The following RALGDS variants were observed in gnomAD, a reference collection of about 807,000 sequenced individuals.
The protein encoded by RALGDS is ral guanine nucleotide dissociation stimulator.
A neutral mutation model predicts 99.8 loss-of-function variants in RALGDS; 44 were observed. The ratio of observed to expected loss-of-function variants is 0.44; its 90% CI spans 0.35 to 0.57. RALGDS has a LOEUF of 0.57. Ranked by LOEUF, RALGDS falls within the 20% of genes least tolerant of loss-of-function variation. The pLI, the probability that RALGDS is intolerant of heterozygous loss-of-function variation, is 0.01. For missense variants in RALGDS, 1,022 were observed against 1,203.1 expected, an observed-to-expected ratio of 0.85 and a Z score of 2.23; for synonymous variants, 529 against 505.0, an observed-to-expected ratio of 1.05 and a Z score of -0.64.
chr9:133,146,981 A>T (rs1246851331), intron 1 of RALGDS, among the ~76,000 whole-genome samples: 2 of 152,206 alleles, frequency 1.3e-5, no homozygotes, highest in Non-Finnish European at 2.9e-5. Context: ...GGGCAGAGGC[A>T]CCCAGCTGAG....
At chr9:133,109,519 GAGCCAGGGTTCTGCCC>G in intron 4 of RALGDS, 91 bp downstream of exon 4, 2 of 1,019,458 alleles carry the variant, frequency 2.0e-6, no homozygotes, top group Non-Finnish European at 3.1e-6. Flanking sequence ...AGAGGTGTGG[GAGCCAGGGTTCTGCCC>G]AGCCAGCCCC....
chr9:133,126,771 C>T (rs977125567), intron 1 of RALGDS, among the ~76,000 whole-genome samples: 8 of 152,196 alleles, frequency 5.3e-5, no homozygotes, highest in African/African-American at 1.4e-4. Flanking sequence ...AGGACCACAG[C>T]GAGGGACAGC....
At chr9:133,128,999 C>T (rs1335562986) in intron 1 of RALGDS, 1 of 1,056,872 alleles carries the variant, frequency 9.5e-7, no homozygotes, top group Non-Finnish European at 1.3e-6. Flanking sequence ...ATGAAGACTC[C>T]CCTGTGAGTT....
chr9:133,113,035 G>A (rs961695315), intron 1 of RALGDS, among the ~76,000 whole-genome samples: 2 of 152,182 alleles, frequency 1.3e-5, no homozygotes, highest in Admixed American at 6.5e-5. Context: ...TCCCCCACCT[G>A]GCAGGCTGGC....
In RALGDS at chr9:133,111,705, C is replaced by T. The variant is rs562203322; in HGVS notation, c.294+337G>A. Among the ~76,000 whole-genome samples, 326 of 152,330 alleles carry T rather than the reference C, an allele frequency of 2.1e-3. 2 individuals are homozygous for T. Among genetic ancestry groups the T allele is most frequent in the African/African-American group, 7.6e-3 (318 of 41,572 alleles). ...TATGCAGCTGAGTCAGGCCCCGGCTCTCAACCTGGAGGAACCCCAGGGATG... is the reference window on the plus strand; with the variant it reads ...TATGCAGCTGAGTCAGGCCCCGGCTTTCAACCTGGAGGAACCCCAGGGATG... On this transcript the variant is annotated intron_variant, in intron 2 of 17. Transcript: ENST00000372050.
In RALGDS at chr9:133,103,388, C is replaced by T. The variant is rs946263578; in HGVS notation, c.1759-126G>A. 5.2e-5 allele frequency: 62 copies of T among 1,198,658 alleles called. 1 individual carries two copies. Among genetic ancestry groups the T allele is most frequent in the Admixed American group, 1.7e-4 (9 of 54,520 alleles). The allele number at this position is 1,198,658 out of a possible 1,614,324, so 74.3% of individuals were successfully genotyped here. ...GGCACGCACACCCCTGGATTGAAGC[C>T]GGTGCTGGGCACCAGGGCAAGGGGA... On this transcript the variant is annotated intron_variant, in intron 11 of 17. Transcript: ENST00000372050.
chr9:133,148,144 C>T lies in RALGDS; in HGVS notation c.18+819G>A, dbSNP rs375641407. Among the ~76,000 whole-genome samples, 104 of 152,288 alleles carry T rather than the reference C, an allele frequency of 6.8e-4. 2 individuals carry two copies. The South Asian group carries it at 0.015, about 23-fold the overall frequency. On this transcript the variant is annotated intron_variant, in intron 1 of 17. Transcript: ENST00000393160. Reference sequence around the variant, plus strand: ...GTAGTGGGGGCATCCCCAGTGGAGACCTAAGGCCGACAGACACGTCTACGA... The same window carrying T: ...GTAGTGGGGGCATCCCCAGTGGAGATCTAAGGCCGACAGACACGTCTACGA...
At chr9:133,128,793 G>A (rs1296707580) in intron 1 of RALGDS, among the ~76,000 whole-genome samples, 1 of 152,188 alleles carries the variant, frequency 6.6e-6, no homozygotes, top group Non-Finnish European at 1.5e-5. Flanking sequence ...GCTTCTCAGG[G>A]GAGCAGACAG....
At chr9:133,103,142 C>T (rs2119128852) in intron 12 of RALGDS, 88 bp downstream of exon 12, 1 of 1,541,898 alleles carries the variant, frequency 6.5e-7, no homozygotes, top group South Asian at 1.1e-5. Flanking sequence ...TCCCATGAAT[C>T]TAAGGAGAGG....
chr9:133,137,128 G>A (rs138953786), intron 1 of RALGDS, among the ~76,000 whole-genome samples: 58 of 152,186 alleles, frequency 3.8e-4, no homozygotes, highest in African/African-American at 1.3e-3. Context: ...AGCTACTCGG[G>A]AGGCTGAAGC....
chr9:133,109,249 G>A (rs894027904), intron 4 of RALGDS, among the ~76,000 whole-genome samples: 7 of 152,332 alleles, frequency 4.6e-5, no homozygotes, highest in African/African-American at 1.4e-4. Flanking sequence ...CTCCCAGAGG[G>A]TGGGGTGCAG....
At chr9:133,132,492 C>T (rs2119254415), upstream of RALGDS, among the ~76,000 whole-genome samples, 1 of 152,238 alleles carries the variant, frequency 6.6e-6, no homozygotes, top group Non-Finnish European at 1.5e-5. Context: ...TTCCCTGAGC[C>T]TCGGTTTCCT....
chr9:133,146,264 T>C (rs1474925432), intron 1 of RALGDS, among the ~76,000 whole-genome samples: 2 of 152,190 alleles, frequency 1.3e-5, no homozygotes, highest in Non-Finnish European at 2.9e-5. Flanking sequence ...CTTGGCTCAC[T>C]GCACTCATCA....
At chr9:133,100,001 T>A in intron 17 of RALGDS, 1 of 537,946 alleles carries the variant, frequency 1.9e-6, no homozygotes, top group Non-Finnish European at 3.4e-6. Flanking sequence ...GGCTAACCTG[T>A]CCCAGTGAAA....
upstream of RALGDS, among the ~76,000 whole-genome samples, chr9:133,124,399 G>A (rs1697621165): frequency 6.6e-6 from 1 of 152,156 alleles, no homozygotes; most frequent in South Asian, 2.1e-4. Flanking sequence ...GACAGACACA[G>A]AGGCTGGGTG....
chr9:133,109,199 C>G (rs1421342317), intron 4 of RALGDS, among the ~76,000 whole-genome samples: 1 of 152,204 alleles, frequency 6.6e-6, no homozygotes, highest in East Asian at 1.9e-4. Context: ...CTTACTCTCT[C>G]AGAGCTGTGT....
Position 133,098,628 on chromosome 9 carries a change from T to G in RALGDS, c.2704A>C (p.Met902Leu). The change falls in exon 18 of 18, where the codon ATG becomes CTG. Residue 902 changes from methionine to leucine, a missense_variant. Met to Leu is a conservative substitution (Grantham distance 15). This residue lies in a region of RALGDS where 825 missense variants were observed against 994.5 expected (regional missense o/e 0.83). Coordinates refer to ENST00000372050, the MANE Select transcript of RALGDS (RefSeq NM_006266.4). The stretch of plus-strand genomic sequence containing the variant: ...GCAATCTTGAGTCCTTTCTGCTTCA[T>G]GCGAGGGAGGGTGGAGCTGGCTCCG... ...KHGASSTLPR[M>L]KQKGLKIAKG... is the part of the protein sequence containing the mutation. 3 of 1,614,192 alleles carry G rather than the reference T, an allele frequency of 1.9e-6. No homozygotes were observed. Among genetic ancestry groups the G allele is most frequent in the Non-Finnish European group, 2.5e-6 (3 of 1,180,016 alleles).
rs546366224 is a variant in RALGDS, at chr9:133,129,268, C to T, written c.132+1684G>A. ...AGGCAAAGAACACAGAGCCCTTCCT[C>T]CCCCTGGGCACGGCAGGCCTGGCAC... On this transcript the variant is annotated intron_variant, in intron 1 of 17. Transcript: ENST00000372062. 354 of 1,596,204 alleles carry T rather than the reference C, an allele frequency of 2.2e-4. 1 individual carries two copies. The highest frequency in any genetic ancestry group is 1.5e-3 in the South Asian group (133 of 90,502).
chr9:133,100,265 T>C lies in RALGDS; in HGVS notation c.2569+3A>G, dbSNP rs1665556731. The C allele has an allele frequency of 6.2e-7, 1 of 1,613,828 alleles. No individual in the cohort carries two copies. Among genetic ancestry groups the C allele is most frequent in the African/African-American group, 1.3e-5 (1 of 74,940 alleles). On this transcript the variant is annotated splice_donor_region_variant and intron_variant, in intron 17 of 17. Transcript: ENST00000372050. ...GCCATCGCCCTCTGGTCTTCTGACT[T>C]ACTCCGGTCATCTGAGAGAATCTGC... is the stretch of plus-strand genomic sequence containing the variant.
Sources: gnomAD v4.1 joint callset for allele counts (sites outside exome capture counted in the v4.1 genomes callset) on GRCh38, gnomAD v4.1.1 for gene constraint, gnomAD v4.1.1 regional missense constraint, MANE v1.5 for transcripts, NCBI Gene and HGNC (gene_info 2026-07-23, HGNC 2026-07-21) for gene names.